GRM6: variants seen among roughly 807,000 people sequenced by gnomAD.
The protein encoded by GRM6 is metabotropic glutamate receptor 6.
GRM6 carries 73 observed loss-of-function variants against 78.4 expected under a neutral mutation model. The observed-to-expected ratio is 0.93, with a 90% CI of 0.77 to 1.13. The LOEUF is 1.13. Ranked by LOEUF, GRM6 falls within the 50% of genes most tolerant of loss-of-function variation. The pLI, the probability that GRM6 is intolerant of heterozygous loss-of-function variation, is 0.00. For missense variants in GRM6, 1,251 were observed against 1,256.4 expected (o/e 1.00, Z 0.07); for synonymous variants, 580 against 555.0 (o/e 1.05, Z -0.63).
chr5:178,982,980 ATGG>A lies in GRM6; in HGVS notation c.2363_2365del (p.Thr788del). On this transcript the variant is annotated inframe_deletion, in exon 10 of 11. Coordinates refer to ENST00000517717, the MANE Select transcript of GRM6 (RefSeq NM_000843.4). ...CAGCCAGATGATGCAGGTGGTGTAC[ATGG>A]TGAAGCCGATGGGCTTGGCCTCGTT... 1 of 1,614,178 alleles carries A rather than the reference ATGG, an allele frequency of 6.2e-7. No homozygotes were observed.
At chr5:178,990,232 C>T (rs1760645991) in intron 5 of GRM6, 2 of 334,286 alleles carry the variant, frequency 6.0e-6, no homozygotes, top group Non-Finnish European at 1.2e-5. Flanking sequence ...GCAGGGGCCT[C>T]ATCACTCTGA....
chr5:178,983,289 G>A (rs1320530744), intron 9 of GRM6, 68 bp from the exon 10 acceptor site: 1 of 1,357,654 alleles, frequency 7.4e-7, no homozygotes, highest in Non-Finnish European at 1.0e-6. Flanking sequence ...CCCTGACAGA[G>A]GCCCCTGCGG....
Position 178,992,708 on chromosome 5 carries a change from TG to T in GRM6, c.505-626del, listed in dbSNP as rs972325463. Among the ~76,000 whole-genome samples, 2 of 148,008 alleles carry T rather than the reference TG, an allele frequency of 1.4e-5. No homozygotes were observed. The highest frequency in any genetic ancestry group is 5.0e-5 in the African/African-American group (2 of 39,654). ...TGAGAAGGCCGCCAAGAGGGGGCTA[TG>T]GGGCTCCAGCGCAAGAGGGGCTATA... On this transcript the variant is annotated intron_variant, in intron 2 of 10. Coordinates refer to ENST00000517717, the MANE Select transcript of GRM6 (RefSeq NM_000843.4). The surrounding 1 kb of genome is among the most constrained non-coding windows in gnomAD (Gnocchi z 4.9).
intron 9 of GRM6, chr5:178,985,841 A>C (rs1290992046): frequency 5.5e-6 from 3 of 542,344 alleles, no homozygotes; most frequent in South Asian, 5.3e-5. Flanking sequence ...GGCTCACAGC[A>C]ACCTTCAACT....
Position 178,994,575 on chromosome 5 carries a change from C to A in GRM6, c.370G>T (p.Asp124Tyr). Residue 124 changes from aspartate (D) to tyrosine (Y), a missense_variant, in exon 2 of 11, where the codon GAC (aspartate) becomes TAC (tyrosine). Asp to Tyr is a radical substitution (Grantham distance 160). Coordinates refer to ENST00000517717, the MANE Select transcript of GRM6 (RefSeq NM_000843.4). ...QALIRGRGDG[D>Y]EVGVRCPGGV... ...CCCGGGCAGCGCACGCCCACCTCGT[C>A]GCCGTCGCCGCGGCCGCGGATCAGC... 1.5e-6 allele frequency: 2 copies of A among 1,332,348 alleles called. No homozygotes were observed. The highest frequency in any genetic ancestry group is 1.5e-5 in the African/African-American group (1 of 65,280). The allele number at this position is 1,332,348 out of a possible 1,614,324, so 82.5% of individuals were successfully genotyped here.
rs1244304664 is a variant in GRM6 at position 178,986,430 on chromosome 5, C to T, written c.1824G>A (p.Val608=). ...GGACGATGGGCGTGTTGTTGTACCG[C>T]ACGAAGGTGGCCACCACCGTGGTAG... ...VATTTVVATF[V]RYNNTPIVRA... is the part of the protein sequence containing the mutation. The change falls in exon 9 of 11, where the codon GTG becomes GTA. Residue 608 remains valine, a synonymous_variant. Transcript: ENST00000517717. The T allele has an allele frequency of 1.2e-6, 2 of 1,613,498 alleles. No homozygotes were observed. Among genetic ancestry groups the T allele is most frequent in the South Asian group, 2.2e-5 (2 of 91,064 alleles).
chr5:178,981,828 G>C lies in GRM6; in HGVS notation c.2463C>G (p.Thr821=), dbSNP rs754475767. The stretch of plus-strand genomic sequence containing the variant: ...CCGAGGCACTCAGGCTCAAGGACAC[G>C]GTTAGCGTGGTTGTCTGGATGTAGA... ...EKIYIQTTTL[T]VSLSLSASVS... The change falls in exon 11 of 11, where the codon ACC becomes ACG. Residue 821 remains threonine, a synonymous_variant. Coordinates refer to ENST00000517717, the MANE Select transcript of GRM6 (RefSeq NM_000843.4). The surrounding 1 kb of genome is among the most constrained non-coding windows in gnomAD (Gnocchi z 5.1). 1.9e-6 allele frequency: 3 copies of C among 1,612,246 alleles called. No individual in the cohort carries two copies. In the African/African-American group the frequency reaches 4.0e-5, roughly 22 times the overall value.
At chr5:178,994,113 G>A (rs1419314142) in intron 2 of GRM6, among the ~76,000 whole-genome samples, 1 of 152,190 alleles carries the variant, frequency 6.6e-6, no homozygotes, top group African/African-American at 2.4e-5. Flanking sequence ...GCAGGGGTGT[G>A]CCCAGAACAA....
chr5:178,981,699 C>T lies in GRM6; in HGVS notation c.2592G>A (p.Val864=). The T allele has an allele frequency of 6.2e-7, 1 of 1,614,144 alleles. No individual in the cohort carries two copies. The highest frequency in any genetic ancestry group is 8.5e-7 in the Non-Finnish European group (1 of 1,179,998). The change falls in exon 11 of 11, where the codon GTG becomes GTA. Residue 864 remains valine (V), a synonymous_variant. Transcript: ENST00000517717. The surrounding 1 kb of genome is among the most constrained non-coding windows in gnomAD (Gnocchi z 5.1). ...CATCCTCGCCCTTGGGTGGGGCTGC[C>T]ACCGTGGAGGTGGCCTTGAGGCTCC... ...RKRSLKATST[V]AAPPKGEDAE...
In GRM6 at chr5:178,986,502, G is replaced by C. The variant is rs971224481; in HGVS notation, c.1752C>G (p.Pro584=). 2 of 1,609,716 alleles carry C rather than the reference G, an allele frequency of 1.2e-6. No homozygotes were observed. The highest frequency in any genetic ancestry group is 1.7e-6 in the Non-Finnish European group (2 of 1,178,862). ...TPVVRLSWSS[P]WAAPPLLLAV... is the part of the protein sequence containing the mutation. ...CCAGGAGGAGCGGCGGGGCTGCCCA[G>C]GGGGAGGACCAGCTCAGGCGCACCA... The change falls in exon 9 of 11, where the codon CCC becomes CCG. Residue 584 remains proline (P), a synonymous_variant. Transcript: ENST00000517717.
intron 7 of GRM6, among the ~76,000 whole-genome samples, chr5:178,987,805 G>A (rs1760597063): frequency 6.6e-6 from 1 of 151,782 alleles, no homozygotes; most frequent in Non-Finnish European, 1.5e-5. Flanking sequence ...TGTCGCCCAG[G>A]CTGGAGTGCA....
At chr5:178,984,512 G>A (rs1282305439) in intron 9 of GRM6, among the ~76,000 whole-genome samples, 2 of 152,184 alleles carry the variant, frequency 1.3e-5, no homozygotes, top group East Asian at 3.9e-4. Context: ...AAGATCCCTT[G>A]TATCTGGAAA....
chr5:178,986,484 G>A lies in GRM6; in HGVS notation c.1770C>T (p.Leu590=), dbSNP rs150434084. The change falls in exon 9 of 11, where the codon CTC becomes CTT. Residue 590 remains leucine, a synonymous_variant. Coordinates refer to ENST00000517717, the MANE Select transcript of GRM6 (RefSeq NM_000843.4). ...SWSSPWAAPP[L]LLAVLGIVAT... ...CCACGATGCCCAGCACGGCCAGGAG[G>A]AGCGGCGGGGCTGCCCAGGGGGAGG... The A allele has an allele frequency of 4.0e-5, 65 of 1,610,918 alleles. No homozygotes were observed. The African/African-American group carries it at 6.7e-4, about 17-fold the overall frequency.
Position 178,988,101 on chromosome 5 carries a change from G to T in GRM6, c.1354+834C>A, listed in dbSNP as rs769701720. 6.6e-6 allele frequency among the ~76,000 whole-genome samples: 1 copy of T among 152,006 alleles called. No individual in the cohort carries two copies. The highest frequency in any genetic ancestry group is 1.5e-5 in the Non-Finnish European group (1 of 68,030). On this transcript the variant is annotated intron_variant, in intron 7 of 10. Transcript: ENST00000517717. The surrounding 1 kb of genome is among the most constrained non-coding windows in gnomAD (Gnocchi z 6.0). ...CACTGAACTCTACACTTAAAAAATG[G>T]TTAAGGTGATACATTTTATATTATA...
chr5:178,985,570 G>A lies in GRM6; in HGVS notation c.2124+560C>T, dbSNP rs533121328. ...TACAAAAAATTAGCCGGGCGTGGTG[G>A]CGGGCGCCTGTAGTCCCAGCTACTC... On this transcript the variant is annotated intron_variant, in intron 9 of 10. Transcript: ENST00000517717. The A allele has an allele frequency of 7.8e-4, 267 of 340,192 alleles. 2 individuals are homozygous for A. The highest frequency in any genetic ancestry group is 1.4e-3 in the South Asian group (63 of 44,404). The allele number at this position is 340,192 out of a possible 1,614,324, so 21.1% of individuals were successfully genotyped here.
chr5:178,991,112 AC>A lies in GRM6; in HGVS notation c.857+311del, dbSNP rs1334710869. On this transcript the variant is annotated intron_variant, in intron 4 of 10. Coordinates refer to ENST00000517717, the MANE Select transcript of GRM6 (RefSeq NM_000843.4). The surrounding 1 kb of genome is among the most constrained non-coding windows in gnomAD (Gnocchi z 5.0). ...GCTGGGGTCCGCAGCCTCTGTATGG[AC>A]CCTGGGCTCCTTCCCTCACAGCTCA... 4.0e-5 allele frequency among the ~76,000 whole-genome samples: 6 copies of A among 151,704 alleles called. No individual in the cohort carries two copies. The highest frequency in any genetic ancestry group is 1.5e-4 in the African/African-American group (6 of 41,246).
At chr5:178,993,497 C>T (rs1760718088) in intron 2 of GRM6, among the ~76,000 whole-genome samples, 1 of 152,260 alleles carries the variant, frequency 6.6e-6, no homozygotes, top group Non-Finnish European at 1.5e-5. Context: ...CGATAGGGAG[C>T]GGCCCCGCAC....
In GRM6 at chr5:178,992,147, A is replaced by AG. The variant is rs372559202; in HGVS notation, c.505-65dup. The AG allele has an allele frequency of 3.7e-6, 4 of 1,095,310 alleles. No homozygotes were observed. The highest frequency in any genetic ancestry group is 1.9e-4 in the Middle Eastern group (1 of 5,132). 67.8% of individuals were successfully genotyped at this position (1,095,310 alleles called of 1,614,324 possible). A position where few individuals can be genotyped will look rare whatever the true frequency, so the allele number is the denominator to read the frequency against. On this transcript the variant is annotated intron_variant, in intron 2 of 10. Transcript: ENST00000517717. This position sits in a 1 kb window ranked among gnomAD's most constrained non-coding sequence, Gnocchi z 4.9. ...TCAGTAACTCAAGAGAGGGAGGGTA[A>AG]GGGGGGCCCAGGACACGGACGGGGC...
Position 178,983,218 on chromosome 5 carries a change from C to G in GRM6, c.2128G>C (p.Val710Leu). The G allele has an allele frequency of 1.9e-6, 3 of 1,611,174 alleles. No individual in the cohort carries two copies. The highest frequency in any genetic ancestry group is 2.5e-6 in the Non-Finnish European group (3 of 1,178,464). The change falls in exon 10 of 11, where the codon GTG becomes CTG. Residue 710 changes from valine (V) to leucine (L), a missense_variant. Val to Leu is a conservative substitution (Grantham distance 32). Transcript: ENST00000517717. Reference protein sequence around the residue: ...ITFSLTSLQVVGMIAWLGARP... With the variant: ...ITFSLTSLQVLGMIAWLGARP... Reference sequence around the variant, plus strand: ...GCCCCCAGCCATGCTATCATCCCCACCACCTGCAGGAGCCAACACTGCATC... The same window carrying G: ...GCCCCCAGCCATGCTATCATCCCCAGCACCTGCAGGAGCCAACACTGCATC...
Sources: allele counts gnomAD v4.1 joint callset (sites outside exome capture counted in the v4.1 genomes callset), GRCh38; gene constraint gnomAD v4.1.1; non-coding constraint Gnocchi (gnomAD v3.1); transcripts MANE v1.5; gene names NCBI Gene and HGNC (gene_info 2026-07-23, HGNC 2026-07-21).